The following ANKRD18B variants were observed in gnomAD, a reference collection of about 807,000 sequenced individuals.
ANKRD18B encodes ankyrin repeat domain 18B.
In ANKRD18B, 75 loss-of-function variants were observed where a neutral mutation model predicts 111.8. The ratio of observed to expected loss-of-function variants is 0.67; its 90% CI spans 0.56 to 0.81. ANKRD18B has a LOEUF of 0.81. ANKRD18B is among the 40% of genes least tolerant of loss of function. ANKRD18B has a pLI of 0.00. For synonymous variants in ANKRD18B, 356 were observed against 417.3 expected (o/e 0.85, Z 1.79); for missense variants, 1,038 against 1,225.5 (o/e 0.85, Z 2.28).
At chr9:33,542,556 G>T (rs13289004) in intron 9 of ANKRD18B, among the ~76,000 whole-genome samples, 10 of 151,962 alleles carry the variant, frequency 6.6e-5, no homozygotes, top group Non-Finnish European at 1.2e-4. Context: ...CAAATTTTCT[G>T]TAGAGTCAGG....
chr9:33,554,392 G>T (rs1828492562), intron 12 of ANKRD18B, among the ~76,000 whole-genome samples: 1 of 152,178 alleles, frequency 6.6e-6, no homozygotes, highest in African/African-American at 2.4e-5. Flanking sequence ...TGAGAATATT[G>T]TCTATAATAT....
chr9:33,543,452 A>C (rs1347667922), intron 10 of ANKRD18B, among the ~76,000 whole-genome samples, 197 bp downstream of exon 10: 1 of 152,230 alleles, frequency 6.6e-6, no homozygotes, highest in Non-Finnish European at 1.5e-5. Context: ...AATCATAGCT[A>C]TCTGTACCCT....
At chr9:33,554,766 C>A (rs192720240) in intron 12 of ANKRD18B, among the ~76,000 whole-genome samples, 3 of 152,244 alleles carry the variant, frequency 2.0e-5, no homozygotes, top group East Asian at 3.9e-4. Flanking sequence ...CAACATCTGA[C>A]AAACTGGGCC....
In ANKRD18B at chr9:33,534,825, CT is replaced by C. The variant is rs374951470; in HGVS notation, c.740+337del. Among the ~76,000 whole-genome samples the C allele has an allele frequency of 2.8e-3, 351 of 123,254 alleles. 1 individual carries two copies. The highest frequency in any genetic ancestry group is 0.019 in the East Asian group (82 of 4,324). 80.9% of individuals were successfully genotyped at this position (123,254 alleles called of 152,430 possible). ...TCTTTTACTTTTTCTTTCTTTCTTC[CT>C]TTTTTTTTTTTTTTTTTTGAGACAA... On this transcript the variant is annotated intron_variant, in intron 5 of 18. Coordinates refer to ENST00000684830, the MANE Select transcript of ANKRD18B (RefSeq NM_001393611.1).
intron 10 of ANKRD18B, among the ~76,000 whole-genome samples, chr9:33,547,201 G>A (rs1232210611): frequency 6.6e-6 from 1 of 152,126 alleles, no homozygotes; most frequent in Non-Finnish European, 1.5e-5. Context: ...CTCTGTTTTT[G>A]TGTTGATATA....
At chr9:33,563,019 C>A (rs879569586) in intron 14 of ANKRD18B, among the ~76,000 whole-genome samples, 1 of 152,150 alleles carries the variant, frequency 6.6e-6, no homozygotes, top group Non-Finnish European at 1.5e-5. Flanking sequence ...TGTAAGGAGA[C>A]ACCCTTGCCT....
chr9:33,563,866 A>G (rs1214190399), intron 14 of ANKRD18B, among the ~76,000 whole-genome samples: 1 of 152,224 alleles, frequency 6.6e-6, no homozygotes, highest in Non-Finnish European at 1.5e-5. Context: ...ATGCCACAGA[A>G]CATCAGAACT....
intron 17 of ANKRD18B, among the ~76,000 whole-genome samples, chr9:33,569,330 T>A (rs1188926170): frequency 2.0e-5 from 3 of 148,606 alleles, no homozygotes; most frequent in Non-Finnish European, 3.0e-5. Context: ...AGTGGCATGA[T>A]CTCAGCTAAT....
At chr9:33,573,146 T>C, downstream of ANKRD18B, 2 of 1,376,524 alleles carry the variant, frequency 1.5e-6, no homozygotes, top group Middle Eastern at 2.6e-4. Context: ...TCTAAACTAA[T>C]GTTGTATTTT....
At chr9:33,535,375 TC>T (rs751058694) in intron 5 of ANKRD18B, among the ~76,000 whole-genome samples, 41 of 152,214 alleles carry the variant, frequency 2.7e-4, no homozygotes, top group Non-Finnish European at 4.9e-4. Context: ...AAGCTCCCCC[TC>T]CTGGGTTCAC....
At chr9:33,531,558 G>A (rs1342652358) in intron 3 of ANKRD18B, among the ~76,000 whole-genome samples, 4 of 150,148 alleles carry the variant, frequency 2.7e-5, no homozygotes, top group African/African-American at 2.5e-5. Flanking sequence ...CGCAGAGGTT[G>A]CCCTGGGTAG....
chr9:33,569,242 TTGTC>T (rs1294037581), intron 17 of ANKRD18B: 3 of 167,228 alleles, frequency 1.8e-5, no homozygotes, highest in African/African-American at 7.2e-5. Context: ...TGACTGTAGT[TTGTC>T]TGTGGTTCAT....
rs1448341820 is a variant in ANKRD18B at position 33,555,803 on chromosome 9, A to G, written c.2313A>G (p.Leu771=). The part of the protein sequence containing the change: ...ADQIRKKNRE[L]EEEATGYKKC... ...AAATAAGAAAGAAAAATCGTGAATT[A>G]GAAGAAGAGGCAACTGGGTATGGTT... The change falls in exon 13 of 19, where the codon TTA becomes TTG. Residue 771 remains leucine, a synonymous_variant. Coordinates refer to ENST00000684830, the MANE Select transcript of ANKRD18B (RefSeq NM_001393611.1). The G allele has an allele frequency of 1.4e-6, 2 of 1,402,260 alleles. No homozygotes were observed. Among genetic ancestry groups the G allele is most frequent in the South Asian group, 1.7e-5 (1 of 57,570 alleles). 86.9% of individuals were successfully genotyped at this position (1,402,260 alleles called of 1,614,324 possible). A position where few individuals can be genotyped will look rare whatever the true frequency, so the allele number is the denominator to read the frequency against.
chr9:33,573,288 G>T, downstream of ANKRD18B: 4 of 985,194 alleles, frequency 4.1e-6, no homozygotes, highest in Non-Finnish European at 4.8e-6. Context: ...ATCCACTGAG[G>T]TACCAAGAAA....
intron 1 of ANKRD18B, among the ~76,000 whole-genome samples, chr9:33,527,743 T>C (rs1828047081): frequency 6.6e-6 from 1 of 152,234 alleles, no homozygotes; most frequent in South Asian, 2.1e-4. Flanking sequence ...GTTAGATGCC[T>C]AGAACGGCCC....
Position 33,555,786 on chromosome 9 carries a change from A to G in ANKRD18B, c.2296A>G (p.Lys766Glu). Residue 766 changes from lysine (K) to glutamate (E), a missense_variant, in exon 13 of 19, where the codon AAG (lysine) becomes GAG (glutamate). Lys to Glu is a moderately conservative substitution (Grantham distance 56). Around this residue, in one of 4 missense-constraint regions of ANKRD18B, gnomAD observed 524 missense variants for 677.9 expected, o/e 0.77. Coordinates refer to ENST00000684830, the MANE Select transcript of ANKRD18B (RefSeq NM_001393611.1). Reference sequence around the variant, plus strand: ...GAACTATACTGCGGATCAAATAAGAAAGAAAAATCGTGAATTAGAAGAAGA... The same window carrying G: ...GAACTATACTGCGGATCAAATAAGAGAGAAAAATCGTGAATTAGAAGAAGA... ...LLNYTADQIR[K>E]KNRELEEEAT... is the part of the protein sequence containing the mutation. The G allele has an allele frequency of 8.5e-6, 12 of 1,413,262 alleles. No homozygotes were observed. Among genetic ancestry groups the G allele is most frequent in the Non-Finnish European group, 1.1e-5 (12 of 1,083,388 alleles). The allele number at this position is 1,413,262 out of a possible 1,614,324, so 87.5% of individuals were successfully genotyped here.
chr9:33,545,912 T>C (rs535985721), intron 10 of ANKRD18B, among the ~76,000 whole-genome samples: 1 of 152,312 alleles, frequency 6.6e-6, no homozygotes, highest in South Asian at 2.1e-4. Context: ...TGTGTCAAAG[T>C]AGATTAGTGC....
chr9:33,524,571 T>C lies in ANKRD18B; in HGVS notation c.82T>C (p.Tyr28His), dbSNP rs1359297044. The C allele has an allele frequency of 6.4e-7, 1 of 1,551,128 alleles. No homozygotes were observed. Among genetic ancestry groups the C allele is most frequent in the Non-Finnish European group, 8.7e-7 (1 of 1,146,764 alleles). ...GGACCAAGAGTATGCGGGTCGGGGG[T>C]ACCACATTCGGGACTGGGAACTGCG... is the stretch of plus-strand genomic sequence containing the variant. The part of the protein sequence containing the change: ...SMDQEYAGRG[Y>H]HIRDWELRKI... Residue 28 changes from tyrosine (Y) to histidine (H), a missense_variant, in exon 1 of 19, where the codon TAC becomes CAC. Tyr to His is a moderately conservative substitution (Grantham distance 83, BLOSUM62 2). Around this residue, in one of 4 missense-constraint regions of ANKRD18B, gnomAD observed 216 missense variants for 205.1 expected, o/e 1.05. Coordinates refer to ENST00000684830, the MANE Select transcript of ANKRD18B (RefSeq NM_001393611.1).
At chr9:33,543,612 C>T (rs1828315380) in intron 10 of ANKRD18B, among the ~76,000 whole-genome samples, 1 of 152,038 alleles carries the variant, frequency 6.6e-6, no homozygotes, top group African/African-American at 2.4e-5. Context: ...ACTGAGTTCA[C>T]CTCATGTGAA....
Sources: allele counts gnomAD v4.1 joint callset (sites outside exome capture counted in the v4.1 genomes callset), GRCh38; gene constraint gnomAD v4.1.1; regional missense constraint gnomAD v4.1.1; transcripts MANE v1.5; gene names NCBI Gene and HGNC (gene_info 2026-07-23, HGNC 2026-07-21).